CPAMD8: variants seen among roughly 807,000 people sequenced by gnomAD.
CPAMD8 encodes C3 and PZP like alpha-2-macroglobulin domain containing 8, also known as C3 and PZP-like alpha-2-macroglobulin domain-containing protein 8.
A neutral mutation model predicts 224.7 loss-of-function variants in CPAMD8; 146 were observed. The observed-to-expected ratio is 0.65, with a 90% CI of 0.57 to 0.75. The LOEUF is 0.75. Ranked by LOEUF, CPAMD8 falls within the 30% of genes least tolerant of loss-of-function variation. The pLI is 0.00. For missense variants in CPAMD8, 2,301 were observed against 2,537.5 expected (o/e 0.91, Z 2.00); for synonymous variants, 966 against 1,044.6 (o/e 0.92, Z 1.45).
At chr19:16,978,566 G>A (rs8105539) in intron 14 of CPAMD8, among the ~76,000 whole-genome samples, 72,903 of 151,792 alleles carry the variant, frequency 0.48, 20,530 homozygotes, top group African/African-American at 0.79. Context: ...AGGGGATGCT[G>A]GCAATATCTG....
Position 16,980,533 on chromosome 19 carries a change from C to T in CPAMD8, c.1549G>A (p.Glu517Lys). Residue 517 changes from glutamate to lysine, a missense_variant, in exon 14 of 42, where the codon GAG (glutamate) becomes AAG (lysine). By Grantham distance (56) the Glu-to-Lys change is moderately conservative. Transcript: ENST00000443236. The part of the protein sequence containing the change: ...QRSKRAAPAL[E>K]KPIRLTHLSE... ...AGGTGTGTTAAACGAATCGGTTTCT[C>T]CAGGGCAGGGGCCGCCCGCTTGCTT... The T allele has an allele frequency of 1.2e-6, 2 of 1,613,960 alleles. No individual in the cohort carries two copies.
intron 27 of CPAMD8, among the ~76,000 whole-genome samples, chr19:16,919,854 C>T (rs532747132): frequency 6.6e-6 from 1 of 152,296 alleles, no homozygotes; most frequent in Admixed American, 6.5e-5. Context: ...GATCTTGGAG[C>T]CTTATGGTAA....
chr19:16,960,491 A>T (rs1268442936), intron 18 of CPAMD8, among the ~76,000 whole-genome samples: 1 of 151,866 alleles, frequency 6.6e-6, no homozygotes, highest in Non-Finnish European at 1.5e-5. Flanking sequence ...GCATTTACTG[A>T]TATGGAATGA....
At chr19:17,018,921 A>AAG (rs2056883413) in intron 3 of CPAMD8, among the ~76,000 whole-genome samples, 1 of 68,360 alleles carries the variant, frequency 1.5e-5, no homozygotes, top group Non-Finnish European at 2.8e-5. Flanking sequence ...AAAAAAAAAG[A>AAG]AAAAAAAAAC....
At chr19:16,979,269 G>GCCATCCATCCAT (rs149849849) in intron 14 of CPAMD8, among the ~76,000 whole-genome samples, 58,610 of 144,502 alleles carry the variant, frequency 0.41, 12,849 homozygotes, top group African/African-American at 0.59. Flanking sequence ...CCACCCATTA[G>GCCATCCATCCAT]CCATCCATCC....
rs367951922 is a variant in CPAMD8 at position 16,952,005 on chromosome 19, C to A, written c.2472G>T (p.Pro824=). 6.3e-7 allele frequency: 1 copy of A among 1,582,228 alleles called. No homozygotes were observed. Among genetic ancestry groups the A allele is most frequent in the Non-Finnish European group, 8.6e-7 (1 of 1,162,892 alleles). Residue 824 remains proline, a synonymous_variant, in exon 20 of 42, where the codon CCG becomes CCT. Coordinates refer to ENST00000443236, the MANE Select transcript of CPAMD8 (RefSeq NM_015692.5). ...TGCCCATGTAGTTGTAGACACTGAG[C>A]GGGATCTTGACCTGCTCCCCACGGA... is the stretch of plus-strand genomic sequence containing the variant. ...LIIRGEQVKI[P]LSVYNYMGTC... is the part of the protein sequence containing the mutation.
intron 19 of CPAMD8, among the ~76,000 whole-genome samples, chr19:16,956,045 G>A (rs930909955): frequency 6.6e-6 from 1 of 152,030 alleles, no homozygotes; most frequent in Non-Finnish European, 1.5e-5. Flanking sequence ...CCTCCTCCCT[G>A]GTCTCAGATC....
intron 19 of CPAMD8, among the ~76,000 whole-genome samples, chr19:16,955,619 A>G (rs1043151484): frequency 2.0e-5 from 3 of 152,118 alleles, no homozygotes; most frequent in Non-Finnish European, 4.4e-5. Context: ...AAAAATGGTT[A>G]AGATCGTAAA....
At chr19:16,983,306 G>A (rs2055581241) in intron 13 of CPAMD8, among the ~76,000 whole-genome samples, 1 of 152,206 alleles carries the variant, frequency 6.6e-6, no homozygotes, top group Non-Finnish European at 1.5e-5. Context: ...GGCTGAGGCA[G>A]CAAAATTGCT....
At chr19:16,947,574 G>A (rs1568513820) in intron 20 of CPAMD8, among the ~76,000 whole-genome samples, 1 of 152,182 alleles carries the variant, frequency 6.6e-6, no homozygotes, top group Non-Finnish European at 1.5e-5. Context: ...ACTCCAGATG[G>A]ATGTAACCTC....
chr19:16,919,260 T>C (rs1423135761), intron 27 of CPAMD8, among the ~76,000 whole-genome samples: 1 of 151,754 alleles, frequency 6.6e-6, no homozygotes, highest in Non-Finnish European at 1.5e-5. Context: ...CAGCCTGACT[T>C]GTAAGACCAA....
At chr19:17,026,369 C>A (rs1355235519) in intron 1 of CPAMD8, among the ~76,000 whole-genome samples, 182 bp downstream of exon 1, 1 of 152,208 alleles carries the variant, frequency 6.6e-6, no homozygotes, top group Non-Finnish European at 1.5e-5. Context: ...TGTACCTCCA[C>A]AGAGCCACTT....
intron 3 of CPAMD8, among the ~76,000 whole-genome samples, chr19:17,016,071 G>A (rs545094718): frequency 6.6e-6 from 1 of 152,302 alleles, no homozygotes; most frequent in Non-Finnish European, 1.5e-5. Flanking sequence ...GGCCTACTGA[G>A]TGGCTGGGAC....
intron 41 of CPAMD8, chr19:16,893,876 G>C (rs955781363): frequency 6.2e-6 from 1 of 161,118 alleles, no homozygotes; most frequent in African/African-American, 2.4e-5. Flanking sequence ...AGCTGGGACA[G>C]TCTTAGGGCA....
Position 16,895,850 on chromosome 19 carries a change from C to A in CPAMD8, c.5426+326G>T, listed in dbSNP as rs1244540311. ...TGAAATCCGAAACACTGCTGGTCCC[C>A]CCAGCATTTCGGATAAGGGATCCTT... On this transcript the variant is annotated intron_variant, in intron 41 of 41. Transcript: ENST00000443236. The A allele has an allele frequency of 1.8e-5, 9 of 513,972 alleles. No individual in the cohort carries two copies. The East Asian group carries it at 4.4e-4, about 25-fold the overall frequency. 31.8% of individuals were successfully genotyped at this position (513,972 alleles called of 1,614,324 possible).
chr19:16,926,832 A>G (rs1305456002), intron 25 of CPAMD8, among the ~76,000 whole-genome samples: 1 of 151,860 alleles, frequency 6.6e-6, no homozygotes, highest in African/African-American at 2.4e-5. Context: ...ATTCAGTTCC[A>G]TCTTAGTCAC....
chr19:16,929,014 T>G lies in CPAMD8; in HGVS notation c.3072A>C (p.Ala1024=). 9 of 1,613,928 alleles carry G rather than the reference T, an allele frequency of 5.6e-6. No homozygotes were observed. The highest frequency in any genetic ancestry group is 7.6e-6 in the Non-Finnish European group (9 of 1,179,810). ...CCCAGGAGAGGATCTTGGCCGTGTGTGCACTGGCCACGGGCTCTCCCATCT... is the reference window on the plus strand; with the variant it reads ...CCCAGGAGAGGATCTTGGCCGTGTGGGCACTGGCCACGGGCTCTCCCATCT... The part of the protein sequence containing the change: ...TSKMGEPVAS[A]HTAKILSWDE... The change falls in exon 24 of 42, where the codon GCA becomes GCC. Residue 1024 remains alanine (A), a synonymous_variant. Coordinates refer to ENST00000443236, the MANE Select transcript of CPAMD8 (RefSeq NM_015692.5).
chr19:16,971,128 C>G, intron 17 of CPAMD8, 95 bp from the exon 18 acceptor site: 12 of 1,114,568 alleles, frequency 1.1e-5, no homozygotes, highest in Non-Finnish European at 1.5e-5. Context: ...GGCCACTGTC[C>G]CAATATCAGC....
intron 20 of CPAMD8, among the ~76,000 whole-genome samples, chr19:16,949,667 G>T (rs1332045782): frequency 6.6e-6 from 1 of 152,086 alleles, no homozygotes; most frequent in Non-Finnish European, 1.5e-5. Flanking sequence ...CATCTTCCCT[G>T]ACCAGACCCC....
Sources: allele counts gnomAD v4.1 joint callset (sites outside exome capture counted in the v4.1 genomes callset), GRCh38; gene constraint gnomAD v4.1.1; transcripts MANE v1.5; gene names NCBI Gene and HGNC (gene_info 2026-07-23, HGNC 2026-07-21).